CSMD1: variants seen among roughly 807,000 people sequenced by gnomAD.
CSMD1 encodes CUB and Sushi multiple domains 1, also known as CUB and sushi domain-containing protein 1.
A neutral mutation model predicts 417.5 loss-of-function variants in CSMD1; 213 were observed. The ratio of observed to expected loss-of-function variants is 0.51; its 90% CI spans 0.46 to 0.57. CSMD1 has a LOEUF of 0.57. Among genes scored for constraint, CSMD1 ranks in the 20% least tolerant of loss-of-function variants. The probability of loss-of-function intolerance (pLI) is 0.00; values close to 1 mark genes in which losing one functional copy is unlikely to be tolerated. For missense variants in CSMD1, 6,923 were observed against 4,529.7 expected, an observed-to-expected ratio of 1.53 and a Z score of -15.17; for synonymous variants, 2,862 against 1,736.8, an observed-to-expected ratio of 1.65 and a Z score of -16.11.
intron 10 of CSMD1, among the ~76,000 whole-genome samples, chr8:3,523,762 C>T (rs1797619039): frequency 6.6e-6 from 1 of 151,442 alleles, no homozygotes; most frequent in Non-Finnish European, 1.5e-5. Flanking sequence ...TGCACACACA[C>T]ATGCACACAC....
chr8:4,873,659 C>G (rs769698006), intron 1 of CSMD1, among the ~76,000 whole-genome samples: 1 of 152,208 alleles, frequency 6.6e-6, no homozygotes, highest in Non-Finnish European at 1.5e-5. Flanking sequence ...TTCCATCTAT[C>G]CATTCAGTAA....
At chr8:4,807,467 T>C (rs1326218226) in intron 1 of CSMD1, among the ~76,000 whole-genome samples, 1 of 152,112 alleles carries the variant, frequency 6.6e-6, no homozygotes, top group African/African-American at 2.4e-5. Context: ...TGAAACCTTG[T>C]CTTATAGCCA....
chr8:3,333,950 G>C (rs1171033197), intron 23 of CSMD1, among the ~76,000 whole-genome samples: 1 of 152,100 alleles, frequency 6.6e-6, no homozygotes, highest in Non-Finnish European at 1.5e-5. Flanking sequence ...GTGCATTTGA[G>C]GACTGCCCCT....
At chr8:3,287,937 G>A (rs1292203651) in intron 25 of CSMD1, among the ~76,000 whole-genome samples, 2 of 146,068 alleles carry the variant, frequency 1.4e-5, no homozygotes, top group Admixed American at 6.8e-5. Flanking sequence ...TTGGCTGTGG[G>A]TTTGTCATAG....
chr8:4,067,425 A>G (rs1419889769), intron 3 of CSMD1, among the ~76,000 whole-genome samples: 1 of 152,204 alleles, frequency 6.6e-6, no homozygotes, highest in Non-Finnish European at 1.5e-5. Context: ...AATATTTCCC[A>G]GAGAATTTAT....
chr8:3,883,113 T>C (rs1806316294), intron 5 of CSMD1, among the ~76,000 whole-genome samples: 1 of 152,174 alleles, frequency 6.6e-6, no homozygotes, highest in Admixed American at 6.6e-5. Flanking sequence ...ATCCTTAGTG[T>C]AAATAACAAA....
intron 26 of CSMD1, among the ~76,000 whole-genome samples, chr8:3,257,871 G>A (rs940837298): frequency 6.6e-6 from 1 of 152,088 alleles, no homozygotes; most frequent in East Asian, 1.9e-4. Flanking sequence ...AGTGATCCAG[G>A]GGCCATTGCT....
chr8:3,083,648 ATTTTTTTTTTTTTTTT>A (rs34049524), intron 49 of CSMD1, among the ~76,000 whole-genome samples: 46 of 13,548 alleles, frequency 3.4e-3, no homozygotes, highest in African/African-American at 7.8e-3. Flanking sequence ...ATATATATAT[ATTTTTTTTTTTTTTTT>A]TTTTTTTTTT....
At chr8:3,597,784 A>G (rs1217297195) in intron 8 of CSMD1, among the ~76,000 whole-genome samples, 4 of 152,172 alleles carry the variant, frequency 2.6e-5, no homozygotes, top group Non-Finnish European at 5.9e-5. Context: ...GGAGTTGAAC[A>G]ATGAGAATAC....
chr8:4,277,198 C>CAT (rs3069751), intron 3 of CSMD1, among the ~76,000 whole-genome samples: 11,324 of 143,058 alleles, frequency 0.079, 489 homozygotes, highest in Admixed American at 0.12. Flanking sequence ...CTACAGATAA[C>CAT]ATATATATAT....
At chr8:4,165,998 G>A (rs527405189) in intron 3 of CSMD1, among the ~76,000 whole-genome samples, 2 of 152,152 alleles carry the variant, frequency 1.3e-5, no homozygotes, top group East Asian at 3.8e-4. Context: ...TTGCAATTAT[G>A]GGACTGTACA....
intron 1 of CSMD1, among the ~76,000 whole-genome samples, chr8:4,826,199 G>T (rs1031363852): frequency 2.6e-5 from 4 of 152,008 alleles, no homozygotes; most frequent in African/African-American, 7.2e-5. Context: ...GTTCATTGTT[G>T]CCTTATTCAC....
chr8:3,384,110 A>G (rs750458123), intron 18 of CSMD1, among the ~76,000 whole-genome samples: 1 of 152,172 alleles, frequency 6.6e-6, no homozygotes, highest in Non-Finnish European at 1.5e-5. Flanking sequence ...TTAGTGACCT[A>G]CATGGTCTTG....
chr8:3,572,153 C>A (rs1055890609), intron 10 of CSMD1, among the ~76,000 whole-genome samples: 3 of 152,172 alleles, frequency 2.0e-5, no homozygotes, highest in African/African-American at 4.8e-5. Context: ...TTCTGCCCGA[C>A]CCATTACAGG....
At chr8:3,337,104 C>G (rs925719565) in intron 23 of CSMD1, among the ~76,000 whole-genome samples, 2 of 152,046 alleles carry the variant, frequency 1.3e-5, no homozygotes, top group African/African-American at 4.8e-5. Context: ...GCTGACTAAT[C>G]CCCTGGAACC....
At chr8:3,955,778 A>T (rs77648276) in intron 5 of CSMD1, among the ~76,000 whole-genome samples, 451 of 152,316 alleles carry the variant, frequency 3.0e-3, no homozygotes, top group African/African-American at 9.7e-3. Flanking sequence ...CAGTGAATTA[A>T]TATCCCTTAG....
intron 18 of CSMD1, among the ~76,000 whole-genome samples, chr8:3,386,935 A>T (rs1200466400): frequency 6.6e-6 from 1 of 152,204 alleles, no homozygotes; most frequent in Non-Finnish European, 1.5e-5. Context: ...ACACAAAATA[A>T]TCAGGAATGT....
intron 8 of CSMD1, among the ~76,000 whole-genome samples, chr8:3,588,585 C>G (rs1324245491): frequency 6.6e-6 from 1 of 152,140 alleles, no homozygotes; most frequent in East Asian, 1.9e-4. Flanking sequence ...TCCTATAACA[C>G]CTCTATCTTT....
chr8:3,463,281 C>G (rs1563063231), intron 12 of CSMD1, among the ~76,000 whole-genome samples: 1 of 152,184 alleles, frequency 6.6e-6, no homozygotes, highest in Non-Finnish European at 1.5e-5. Flanking sequence ...CTACACAAGT[C>G]ACCAACTCAG....
Sources: allele counts gnomAD v4.1 joint callset (sites outside exome capture counted in the v4.1 genomes callset), GRCh38; gene constraint gnomAD v4.1.1; transcripts MANE v1.5; gene names NCBI Gene and HGNC (gene_info 2026-07-23, HGNC 2026-07-21).